The following FGF13 variants were observed in gnomAD, a reference collection of about 807,000 sequenced individuals.
The protein encoded by FGF13 is fibroblast growth factor 13.
Under a neutral mutation model 19.5 loss-of-function variants are expected in FGF13, and 2 were observed. That is an observed-to-expected ratio of 0.10 (90% confidence interval 0.04 to 0.32). FGF13 has a LOEUF of 0.32. FGF13 is among the 10% of genes least tolerant of loss of function. The pLI is 1.00. For missense variants in FGF13, 113 were observed against 192.7 expected (o/e 0.59, Z 2.45); for synonymous variants, 72 against 76.9 (o/e 0.94, Z 0.33).
chrX:138,810,213 C>A lies in FGF13; in HGVS notation c.217+47299G>T, dbSNP rs772508822. 6.1e-4 allele frequency among the ~76,000 whole-genome samples: 68 copies of A among 111,946 alleles called. No homozygotes were observed. In the East Asian group the frequency reaches 0.012, roughly 20 times the overall value. ...AAACTATACTACAAGGCTACAATAA[C>A]CAAAACAGCATGGTACTGGTGCCAA... is the stretch of plus-strand genomic sequence containing the variant. On this transcript the variant is annotated intron_variant, in intron 3 of 6. Transcript: ENST00000436198.
chrX:138,884,276 G>T (rs1213326925), intron 1 of FGF13, among the ~76,000 whole-genome samples: 1 of 112,028 alleles, frequency 8.9e-6, no homozygotes, highest in African/African-American at 3.2e-5. Context: ...CAGGACCATG[G>T]TCAAATCACA....
chrX:138,890,347 A>C (rs2091470610), intron 1 of FGF13, among the ~76,000 whole-genome samples: 1 of 112,000 alleles, frequency 8.9e-6, no homozygotes, highest in Admixed American at 9.5e-5. Context: ...GCCGAGTTAC[A>C]TATAAGATAG....
intron 1 of FGF13, among the ~76,000 whole-genome samples, chrX:139,035,933 A>G (rs2092249143): frequency 8.9e-6 from 1 of 112,130 alleles, no homozygotes; most frequent in Non-Finnish European, 1.9e-5. Context: ...TCAATGTGCA[A>G]TAATTTCAGA....
rs1218448279 is a variant in FGF13, at chrX:138,621,692, C to T, written c.*11158G>A. 1 of 110,443 alleles carries T rather than the reference C, an allele frequency of 9.1e-6. No individual in the cohort carries two copies. Among genetic ancestry groups the T allele is most frequent in the African/African-American group, 3.3e-5 (1 of 30,409 alleles). The allele number at this position is 110,443 out of a possible 1,213,427, so 9.1% of individuals were successfully genotyped here. On this transcript the variant is annotated 3_prime_UTR_variant, in exon 5 of 5. Coordinates refer to ENST00000315930, the MANE Select transcript of FGF13 (RefSeq NM_004114.5). Reference sequence around the variant, plus strand: ...TTGAAAAGATTAAAAAACAGACAAGCCTTTAGCTAGAGTAACTGAGAGTGA... The same window carrying T: ...TTGAAAAGATTAAAAAACAGACAAGTCTTTAGCTAGAGTAACTGAGAGTGA...
At chrX:139,003,597 C>T (rs2092085122) in intron 1 of FGF13, among the ~76,000 whole-genome samples, 1 of 88,852 alleles carries the variant, frequency 1.1e-5, no homozygotes, top group South Asian at 6.1e-4. Flanking sequence ...AAAGGTTCTC[C>T]AAGTCCCCAT....
At chrX:139,202,115 A>T (rs1188477777) in intron 1 of FGF13, among the ~76,000 whole-genome samples, 4 of 112,301 alleles carry the variant, frequency 3.6e-5, no homozygotes, top group Non-Finnish European at 7.5e-5. Flanking sequence ...AGATGCGTTA[A>T]TCCATTCTGG....
At chrX:138,644,499 C>T (rs1005890116) in intron 3 of FGF13, among the ~76,000 whole-genome samples, 2 of 110,496 alleles carry the variant, frequency 1.8e-5, no homozygotes, top group Admixed American at 1.9e-4. Flanking sequence ...AGGCTGGTCC[C>T]GAACTCCTGA....
At chrX:138,985,341 T>C (rs2091990971) in intron 1 of FGF13, among the ~76,000 whole-genome samples, 1 of 112,231 alleles carries the variant, frequency 8.9e-6, no homozygotes, top group Admixed American at 9.4e-5. Context: ...CAGTGAATAG[T>C]GGCAGAGATG....
intron 3 of FGF13, among the ~76,000 whole-genome samples, chrX:138,761,326 AT>A (rs1569386261): frequency 1.8e-5 from 2 of 111,171 alleles, no homozygotes; most frequent in Non-Finnish European, 3.8e-5. Flanking sequence ...CACAGACACA[AT>A]TTTTTACTCT....
intron 3 of FGF13, among the ~76,000 whole-genome samples, chrX:138,662,583 C>T (rs998360763): frequency 2.7e-5 from 3 of 111,510 alleles, no homozygotes; most frequent in East Asian, 2.8e-4. Flanking sequence ...CCATGGCAGA[C>T]GCATAAAATG....
intron 1 of FGF13, among the ~76,000 whole-genome samples, chrX:138,951,040 T>C (rs1458666525): frequency 8.9e-6 from 1 of 111,863 alleles, no homozygotes; most frequent in Admixed American, 9.5e-5. Flanking sequence ...TATTTAATAA[T>C]GATCCTGTGA....
chrX:138,952,689 G>C (rs1326476819), intron 1 of FGF13, among the ~76,000 whole-genome samples: 1 of 111,503 alleles, frequency 9.0e-6, no homozygotes, highest in Admixed American at 9.5e-5. Context: ...CTGACAAAGG[G>C]CTAATATCCA....
At position 138,962,762 on chromosome X, in the gene FGF13, G is replaced by A. The variant is rs887517618; in HGVS notation, c.-112-98112C>T. Among the ~76,000 whole-genome samples, 11 of 111,514 alleles carry A rather than the reference G, an allele frequency of 9.9e-5. No homozygotes were observed. In the East Asian group the frequency reaches 2.0e-3, roughly 20 times the overall value. On this transcript the variant is annotated intron_variant, in intron 1 of 2. Coordinates refer to the FGF13 transcript ENST00000421460. Reference sequence around the variant, plus strand: ...TCTCAAGGACAGAAAACCAAACACCGCCATGTTTTCACTCATAGGTGGGAA... The same window carrying A: ...TCTCAAGGACAGAAAACCAAACACCACCATGTTTTCACTCATAGGTGGGAA...
At chrX:139,000,506 A>G (rs1167465364) in intron 1 of FGF13, among the ~76,000 whole-genome samples, 3 of 112,150 alleles carry the variant, frequency 2.7e-5, no homozygotes, top group African/African-American at 9.7e-5. Context: ...TACAAAATCA[A>G]TGTGCAAAAA....
At chrX:139,062,034 G>A (rs967848298) in intron 1 of FGF13, among the ~76,000 whole-genome samples, 1 of 110,906 alleles carries the variant, frequency 9.0e-6, no homozygotes, top group Non-Finnish European at 1.9e-5. Context: ...TCACCCTATT[G>A]TTTCTTTTGC....
At chrX:138,792,097 C>T (rs1415933584) in intron 3 of FGF13, among the ~76,000 whole-genome samples, 1 of 111,628 alleles carries the variant, frequency 9.0e-6, no homozygotes, top group African/African-American at 3.3e-5. Context: ...TTCTCCCTTA[C>T]GATCAATCTG....
chrX:138,677,534 T>G (rs2089683287), intron 3 of FGF13, among the ~76,000 whole-genome samples: 1 of 111,111 alleles, frequency 9.0e-6, no homozygotes, highest in African/African-American at 3.3e-5. Context: ...GAACAGACAC[T>G]TCTCAAAAGA....
intron 1 of FGF13, among the ~76,000 whole-genome samples, chrX:138,939,123 C>T (rs1429435865): frequency 1.8e-5 from 2 of 112,159 alleles, no homozygotes; most frequent in South Asian, 3.7e-4. Context: ...AAAACAACAA[C>T]AACAAAATCT....
At chrX:138,966,061 G>C (rs975048870) in intron 1 of FGF13, among the ~76,000 whole-genome samples, 5 of 111,842 alleles carry the variant, frequency 4.5e-5, no homozygotes, top group African/African-American at 1.6e-4. Flanking sequence ...GTGTCCATGA[G>C]GGTGTTGCTA....
Sources: allele counts gnomAD v4.1 joint callset (sites outside exome capture counted in the v4.1 genomes callset), GRCh38; gene constraint gnomAD v4.1.1; transcripts MANE v1.5; gene names NCBI Gene and HGNC (gene_info 2026-07-23, HGNC 2026-07-21).